MAP3K19: variants seen among roughly 807,000 people sequenced by gnomAD.
MAP3K19 encodes the protein SPS1/STE20-related protein kinase YSK4.
Under a neutral mutation model 114.4 loss-of-function variants are expected in MAP3K19, and 91 were observed. That is an observed-to-expected ratio of 0.80 (90% CI 0.67 to 0.95). MAP3K19 has a LOEUF of 0.95. Among genes scored for constraint, MAP3K19 ranks in the 40% least tolerant of loss-of-function variants. MAP3K19 has a pLI of 0.00. For synonymous variants in MAP3K19, 518 were observed against 530.5 expected (o/e 0.98, Z 0.32); for missense variants, 1,471 against 1,573.2 (o/e 0.94, Z 1.10).
rs764016970 is a variant in MAP3K19 at position 134,986,107 on chromosome 2, T to C, written c.2765A>G (p.Tyr922Cys). Residue 922 changes from tyrosine to cysteine, a missense_variant, in exon 10 of 13, where the codon TAT becomes TGT. By Grantham distance (194) the Tyr-to-Cys change is radical. Coordinates refer to ENST00000392915, the MANE Select transcript of MAP3K19 (RefSeq NM_025052.5). ...QESASSQTYQ[Y>C]WVHYLDHDSL... ...ATCATGATCCAAATAATGTACCCAA[T>C]ATTGATATGTCTGGGAAGATGCACT... 1.2e-6 allele frequency: 2 copies of C among 1,614,054 alleles called. No homozygotes were observed. Among genetic ancestry groups the C allele is most frequent in the South Asian group, 2.2e-5 (2 of 91,064 alleles).
At chr2:135,025,817 A>C (rs113927085) in intron 3 of MAP3K19, among the ~76,000 whole-genome samples, 2 of 936 alleles carry the variant, frequency 2.1e-3, no homozygotes, top group Non-Finnish European at 2.9e-3. Context: ...GTCTCTTCTT[A>C]TCCTATGTTG....
rs1182525529 is a variant in MAP3K19, at chr2:134,987,714, T to G, written c.1158A>C (p.Ile386=). The change falls in exon 10 of 13, where the codon ATA becomes ATC. Residue 386 remains isoleucine, a synonymous_variant. Coordinates refer to ENST00000392915, the MANE Select transcript of MAP3K19 (RefSeq NM_025052.5). ...GGAACTTGCTTGGAATGGTACATAC[T>G]ATTTCTGGATCTTGTTCATAGTTTT... ...VAKNYEQDPE[I]VCTIPSKFQE... 1 of 1,612,278 alleles carries G rather than the reference T, an allele frequency of 6.2e-7. No homozygotes were observed. The highest frequency in any genetic ancestry group is 8.5e-7 in the Non-Finnish European group (1 of 1,180,016).
Position 134,988,264 on chromosome 2 carries a change from G to C in MAP3K19, c.619-11C>G, listed in dbSNP as rs1398349770. On this transcript the variant is annotated splice_polypyrimidine_tract_variant and intron_variant, in intron 9 of 12. Transcript: ENST00000392915. ...TGGTGGCAGAAGGAACTAAAAGGAA[G>C]ACAGAAAAAGCTGTGAATGCAGAAA... is the stretch of plus-strand genomic sequence containing the variant. The C allele has an allele frequency of 1.3e-6, 2 of 1,532,774 alleles. No individual in the cohort carries two copies. Among genetic ancestry groups the C allele is most frequent in the African/African-American group, 2.8e-5 (2 of 72,116 alleles). The allele number at this position is 1,532,774 out of a possible 1,614,324, so 94.9% of individuals were successfully genotyped here.
chr2:134,999,138 G>A lies in MAP3K19; in HGVS notation c.315-141C>T. ...CTGCTGAAAGGAAAGGCTGAATCCT[G>A]AGAGGGTAAGACATCTCCACCTGCT... On this transcript the variant is annotated intron_variant, in intron 7 of 12. Coordinates refer to ENST00000392915, the MANE Select transcript of MAP3K19 (RefSeq NM_025052.5). The surrounding 1 kb of genome is among the most constrained non-coding windows in gnomAD (Gnocchi z 4.1). 1 of 975,468 alleles carries A rather than the reference G, an allele frequency of 1.0e-6. No homozygotes were observed. The highest frequency in any genetic ancestry group is 1.5e-6 in the Non-Finnish European group (1 of 659,746). The allele number at this position is 975,468 out of a possible 1,614,324, so 60.4% of individuals were successfully genotyped here.
At chr2:135,046,346 C>T (rs138293427) in intron 1 of MAP3K19, among the ~76,000 whole-genome samples, 183 of 152,210 alleles carry the variant, frequency 1.2e-3, no homozygotes, top group Admixed American at 3.5e-3. Context: ...GGCACAATCT[C>T]GGTTCACTGC....
intron 6 of MAP3K19, among the ~76,000 whole-genome samples, chr2:135,003,864 G>T (rs1456823315): frequency 6.6e-6 from 1 of 152,148 alleles, no homozygotes; most frequent in Non-Finnish European, 1.5e-5. Flanking sequence ...CATTTAAAGA[G>T]ATTTAAACCG....
Position 134,987,990 on chromosome 2 carries a change from C to A in MAP3K19, c.882G>T (p.Lys294Asn), listed in dbSNP as rs780953721. 3 of 1,614,140 alleles carry A rather than the reference C, an allele frequency of 1.9e-6. No individual in the cohort carries two copies. ...CCAGGCATTGCCTGTGATGGTTAGT[C>A]TTAGGAAAAGAGCACATGTTTCTTG... ...IWSRNMCSFPKTNHHRQCLEK... is the reference protein window; with the variant it reads ...IWSRNMCSFPNTNHHRQCLEK... Residue 294 changes from lysine to asparagine, a missense_variant, in exon 10 of 13, where the codon AAG (lysine) becomes AAT (asparagine). Lys to Asn is a moderately conservative substitution (Grantham distance 94). Coordinates refer to ENST00000392915, the MANE Select transcript of MAP3K19 (RefSeq NM_025052.5).
At chr2:135,000,561 GGT>G (rs1686366793) in intron 6 of MAP3K19, among the ~76,000 whole-genome samples, 2 of 152,194 alleles carry the variant, frequency 1.3e-5, no homozygotes, top group Non-Finnish European at 2.9e-5. Flanking sequence ...TGTTCTTTAA[GGT>G]GTGTTCATTC....
intron 5 of MAP3K19, among the ~76,000 whole-genome samples, chr2:135,015,519 A>T (rs933295030): frequency 1.3e-5 from 2 of 152,296 alleles, no homozygotes; most frequent in East Asian, 3.9e-4. Context: ...GTCTTTAGAT[A>T]AAAAGAAATG....
intron 12 of MAP3K19, among the ~76,000 whole-genome samples, chr2:134,975,799 G>C (rs1029257742): frequency 6.6e-6 from 1 of 152,204 alleles, no homozygotes. Context: ...TTGCTGAAGC[G>C]GGTGGGGTCA....
intron 5 of MAP3K19, among the ~76,000 whole-genome samples, chr2:135,020,958 C>T (rs1228255960): frequency 6.6e-6 from 1 of 152,180 alleles, no homozygotes; most frequent in African/African-American, 2.4e-5. Flanking sequence ...TGGACTAATA[C>T]AAGGTGTGGA....
chr2:135,041,211 A>G (rs1165383567), intron 1 of MAP3K19, among the ~76,000 whole-genome samples: 8 of 152,180 alleles, frequency 5.3e-5, no homozygotes, highest in East Asian at 1.9e-4. Context: ...TAAGGAGCAC[A>G]GTGCCCACTG....
chr2:135,005,461 C>T lies in MAP3K19; in HGVS notation c.209G>A (p.Arg70Lys), dbSNP rs1283494453. The T allele has an allele frequency of 6.2e-7, 1 of 1,614,062 alleles. No individual in the cohort carries two copies. The highest frequency in any genetic ancestry group is 8.5e-7 in the Non-Finnish European group (1 of 1,179,906). The stretch of plus-strand genomic sequence containing the variant: ...TTCTGTCCTGGGTTGCCAGTCCTGT[C>T]TACCACCACTGGGATCTTCTTCTTC... Reference protein sequence around the residue: ...VNEEEDPSGGRQDWQPRTEGV... With the variant: ...VNEEEDPSGGKQDWQPRTEGV... Residue 70 changes from arginine to lysine, a missense_variant, in exon 6 of 13, where the codon AGA (arginine) becomes AAA (lysine). By Grantham distance (26) the Arg-to-Lys change is conservative. Coordinates refer to ENST00000392915, the MANE Select transcript of MAP3K19 (RefSeq NM_025052.5).
At position 134,986,035 on chromosome 2, in the gene MAP3K19, A is replaced by C; in HGVS notation, c.2837T>G (p.Leu946Ter). 6.2e-7 allele frequency: 1 copy of C among 1,613,596 alleles called. No homozygotes were observed. The highest frequency in any genetic ancestry group is 8.5e-7 in the Non-Finnish European group (1 of 1,179,874). The change falls in exon 10 of 13, where the codon TTA (leucine) becomes TGA (stop). Residue 946 changes from leucine to a stop codon, truncating the protein, a stop_gained. Transcript: ENST00000392915. LOFTEE classifies it high-confidence loss of function. ...TTGGGAAATTGAATTTGTGCCACTTAAGGTTTTTCCAAACATTTGATATGT... is the reference window on the plus strand; with the variant it reads ...TTGGGAAATTGAATTTGTGCCACTTCAGGTTTTTCCAAACATTTGATATGT... Reference protein sequence around the residue: ...SITYQMFGKTLSGTNSISQEI... With the variant: ...SITYQMFGKT
chr2:134,986,876 A>C lies in MAP3K19; in HGVS notation c.1996T>G (p.Phe666Val), dbSNP rs754489911. ...TANGPGIYEMFGTPVYCHVRE... is the reference protein window; with the variant it reads ...TANGPGIYEMVGTPVYCHVRE... Reference sequence around the variant, plus strand: ...ACATGACAATAAACAGGGGTCCCAAACATTTCATAGATTCCAGGTCCATTA... The same window carrying C: ...ACATGACAATAAACAGGGGTCCCAACCATTTCATAGATTCCAGGTCCATTA... Residue 666 changes from phenylalanine to valine, a missense_variant, in exon 10 of 13, where the codon TTT (phenylalanine) becomes GTT (valine). Phe to Val is a conservative substitution (Grantham distance 50, BLOSUM62 -1). Coordinates refer to ENST00000392915, the MANE Select transcript of MAP3K19 (RefSeq NM_025052.5). 1 of 1,614,170 alleles carries C rather than the reference A, an allele frequency of 6.2e-7. No individual in the cohort carries two copies. Among genetic ancestry groups the C allele is most frequent in the Non-Finnish European group, 8.5e-7 (1 of 1,180,038 alleles).
intron 9 of MAP3K19, among the ~76,000 whole-genome samples, chr2:134,989,999 T>C (rs1685444620): frequency 6.6e-6 from 1 of 151,930 alleles, no homozygotes; most frequent in Non-Finnish European, 1.5e-5. Context: ...GGAGAAACGC[T>C]TGAACCCAGG....
At chr2:135,042,892 G>A (rs980380861) in intron 1 of MAP3K19, among the ~76,000 whole-genome samples, 1 of 152,118 alleles carries the variant, frequency 6.6e-6, no homozygotes, top group African/African-American at 2.4e-5. Flanking sequence ...GACCAGCTGG[G>A]CCAACATGGT....
At chr2:135,024,494 G>T in intron 4 of MAP3K19, 132 bp downstream of exon 4, 1 of 850,690 alleles carries the variant, frequency 1.2e-6, no homozygotes, top group Non-Finnish European at 2.0e-6. Flanking sequence ...GCCTTGTACA[G>T]AGTCACTGCT....
In MAP3K19 at chr2:134,983,725, G is replaced by A. The variant is rs777989683; in HGVS notation, c.3173C>T (p.Pro1058Leu). Residue 1058 changes from proline (P) to leucine (L), a missense_variant, in exon 11 of 13, where the codon CCT becomes CTT. By Grantham distance (98) the Pro-to-Leu change is moderately conservative. Transcript: ENST00000392915. ...AATCTCACCCTTGGTCCATAGGATA[G>A]GTTCTTCAGACTTTAAACTATTTTC... ...FSENSLKSEEPILWTKGEILG... is the reference protein window; with the variant it reads ...FSENSLKSEELILWTKGEILG... 6.3e-7 allele frequency: 1 copy of A among 1,599,666 alleles called. No homozygotes were observed. The highest frequency in any genetic ancestry group is 1.4e-5 in the African/African-American group (1 of 73,912).
Sources: gnomAD v4.1 joint callset for allele counts (sites outside exome capture counted in the v4.1 genomes callset) on GRCh38, gnomAD v4.1.1 for gene constraint, Gnocchi (gnomAD v3.1) non-coding constraint, MANE v1.5 for transcripts, NCBI Gene and HGNC (gene_info 2026-07-23, HGNC 2026-07-21) for gene names.